PARD3B: variants seen among roughly 807,000 people sequenced by gnomAD.
PARD3B encodes partitioning defective 3 homolog B.
A neutral mutation model predicts 130.2 loss-of-function variants in PARD3B; 103 were observed. The ratio of observed to expected loss-of-function variants is 0.79; its 90% CI spans 0.67 to 0.93. The LOEUF is 0.93. Ranked by LOEUF, PARD3B falls within the 40% of genes least tolerant of loss-of-function variation. PARD3B has a pLI of 0.00. For missense variants in PARD3B, 1,609 were observed against 1,499.2 expected, an observed-to-expected ratio of 1.07 and a Z score of -1.21; for synonymous variants, 583 against 553.2, an observed-to-expected ratio of 1.05 and a Z score of -0.76.
rs536984029 is a variant in PARD3B, at chr2:205,276,761, G to C, written c.2186-23769G>C. Among the ~76,000 whole-genome samples the C allele has an allele frequency of 1.1e-4, 17 of 152,348 alleles. No individual in the cohort carries two copies. The highest frequency in any genetic ancestry group is 2.2e-4 in the African/African-American group (9 of 41,582). ...TGTTAGAAAATTTGTCATCCTGCTA[G>C]AGAGACCTATAGATTGGTGGTTAAC... On this transcript the variant is annotated intron_variant, in intron 16 of 22. Coordinates refer to ENST00000406610, the MANE Select transcript of PARD3B (RefSeq NM_001302769.2). This position sits in a 1 kb window ranked among gnomAD's most constrained non-coding sequence, Gnocchi z 5.0.
rs140987196 is a variant in PARD3B at position 204,959,784 on chromosome 2, A to C, written c.223-5368A>C. The stretch of plus-strand genomic sequence containing the variant: ...CCCCTGGGAACATAGGAGTGAATGC[A>C]TACAGTTAATGAAGCTAGTGCCTAA... On this transcript the variant is annotated intron_variant, in intron 2 of 22. Coordinates refer to ENST00000406610, the MANE Select transcript of PARD3B (RefSeq NM_001302769.2). Among the ~76,000 whole-genome samples the C allele has an allele frequency of 1.9e-3, 295 of 152,342 alleles. 2 individuals carry two copies. The highest frequency in any genetic ancestry group is 6.1e-3 in the African/African-American group (255 of 41,580).
intron 10 of PARD3B, among the ~76,000 whole-genome samples, chr2:205,150,930 T>C (rs2033710806): frequency 7.0e-6 from 1 of 143,398 alleles, no homozygotes; most frequent in South Asian, 2.2e-4. Context: ...TCCTACTACA[T>C]AGTGACTATA....
chr2:205,386,032 T>C lies in PARD3B; in HGVS notation c.2631-14981T>C, dbSNP rs142747512. 7.9e-3 allele frequency among the ~76,000 whole-genome samples: 1,198 copies of C among 152,284 alleles called. 14 individuals are homozygous for C. The highest frequency in any genetic ancestry group is 0.027 in the African/African-American group (1,133 of 41,572). ...TCATGTTTAAAACTTTCTCTATAAATTTAAGTTTCATGATAGGCTTTTATA... is the reference window on the plus strand; with the variant it reads ...TCATGTTTAAAACTTTCTCTATAAACTTAAGTTTCATGATAGGCTTTTATA... On this transcript the variant is annotated intron_variant, in intron 18 of 22. Transcript: ENST00000406610.
At chr2:205,009,869 T>A (rs996165936) in intron 3 of PARD3B, among the ~76,000 whole-genome samples, 2 of 152,186 alleles carry the variant, frequency 1.3e-5, no homozygotes, top group Non-Finnish European at 2.9e-5. Context: ...ATGTGGAATT[T>A]GAATGTTGAT....
intron 2 of PARD3B, among the ~76,000 whole-genome samples, chr2:204,880,651 C>G (rs1028288840): frequency 8.1e-6 from 1 of 123,326 alleles, no homozygotes; most frequent in African/African-American, 3.7e-5. Flanking sequence ...GAGCGAGACT[C>G]CATCTCAAAA....
chr2:204,870,195 C>T (rs999339185), intron 2 of PARD3B, among the ~76,000 whole-genome samples: 13 of 152,130 alleles, frequency 8.5e-5, no homozygotes, highest in African/African-American at 2.9e-4. Flanking sequence ...AGAAAGTCCC[C>T]TTAGATTGAG....
At chr2:205,245,552 T>C (rs1173191189) in intron 15 of PARD3B, among the ~76,000 whole-genome samples, 1 of 152,182 alleles carries the variant, frequency 6.6e-6, no homozygotes, top group Non-Finnish European at 1.5e-5. Flanking sequence ...GAAAATGAAG[T>C]TATGTTCATA....
chr2:205,141,170 C>T (rs1197200504), intron 10 of PARD3B, among the ~76,000 whole-genome samples: 2 of 152,074 alleles, frequency 1.3e-5, no homozygotes, highest in African/African-American at 2.4e-5. Context: ...ATTATCTGTA[C>T]CTAATGTGCA....
At chr2:205,213,925 T>G (rs2037777694) in intron 15 of PARD3B, among the ~76,000 whole-genome samples, 1 of 152,106 alleles carries the variant, frequency 6.6e-6, no homozygotes, top group African/African-American at 2.4e-5. Flanking sequence ...ATGAATAAAT[T>G]AGGCAATCAC....
At chr2:205,048,513 G>A (rs1356321285) in intron 4 of PARD3B, 1 of 152,092 alleles carries the variant, frequency 6.6e-6, no homozygotes, top group African/African-American at 2.4e-5. Flanking sequence ...CATTGCAATA[G>A]GTAATCTTCG....
intron 18 of PARD3B, among the ~76,000 whole-genome samples, chr2:205,360,792 G>A (rs1180796941): frequency 2.0e-5 from 3 of 152,198 alleles, no homozygotes; most frequent in African/African-American, 7.2e-5. Flanking sequence ...GGGCTGTTTG[G>A]AGGAGGAAAT....
chr2:205,071,311 A>G (rs1037903414), intron 4 of PARD3B, among the ~76,000 whole-genome samples: 2 of 152,128 alleles, frequency 1.3e-5, no homozygotes, highest in African/African-American at 2.4e-5. Context: ...ATTGCCCCAC[A>G]CTTGCCGCCA....
intron 3 of PARD3B, among the ~76,000 whole-genome samples, chr2:205,038,597 C>T (rs1056615343): frequency 2.0e-5 from 3 of 152,142 alleles, no homozygotes; most frequent in African/African-American, 7.2e-5. Context: ...AAGTATAAGT[C>T]CCAATAAAAG....
chr2:205,102,267 G>A (rs1702837927), intron 4 of PARD3B, among the ~76,000 whole-genome samples: 1 of 151,980 alleles, frequency 6.6e-6, no homozygotes, highest in Non-Finnish European at 1.5e-5. Context: ...AATACAATGA[G>A]CTCTTGGTGT....
chr2:205,495,395 T>A (rs2049887349), intron 20 of PARD3B, among the ~76,000 whole-genome samples: 1 of 152,178 alleles, frequency 6.6e-6, no homozygotes, highest in Non-Finnish European at 1.5e-5. Flanking sequence ...TAGAAACTTT[T>A]TGTAAGGATG....
chr2:205,046,479 AG>A (rs1698790048), intron 3 of PARD3B, among the ~76,000 whole-genome samples: 1 of 129,696 alleles, frequency 7.7e-6, no homozygotes, highest in Non-Finnish European at 1.6e-5. Context: ...TCATGAAAGA[AG>A]TTTTTTTTTT....
chr2:205,398,934 G>T (rs1294123264), intron 18 of PARD3B, among the ~76,000 whole-genome samples: 2 of 152,122 alleles, frequency 1.3e-5, no homozygotes, highest in Non-Finnish European at 2.9e-5. Flanking sequence ...CTGGGGCAGG[G>T]TTGGGGGTAT....
In PARD3B at chr2:204,675,496, T is replaced by C. The variant is rs920776958; in HGVS notation, c.121-10685T>C. ...GAGCTGTAGGAAAATGAAATTTCTA[T>C]ATTCTTATAAAGTCAGTGTCTTGAG... On this transcript the variant is annotated intron_variant, in intron 1 of 22. Transcript: ENST00000406610. This position sits in a 1 kb window ranked among gnomAD's most constrained non-coding sequence, Gnocchi z 4.4. 1.3e-5 allele frequency among the ~76,000 whole-genome samples: 2 copies of C among 152,114 alleles called. No individual in the cohort carries two copies. Among genetic ancestry groups the C allele is most frequent in the African/African-American group, 2.4e-5 (1 of 41,434 alleles).
At chr2:205,060,901 C>G (rs562029402) in intron 4 of PARD3B, among the ~76,000 whole-genome samples, 1 of 151,990 alleles carries the variant, frequency 6.6e-6, no homozygotes, top group Non-Finnish European at 1.5e-5. Flanking sequence ...ATAGAGAACC[C>G]ATGCATGGTT....
Sources: allele counts gnomAD v4.1 joint callset (sites outside exome capture counted in the v4.1 genomes callset), GRCh38; gene constraint gnomAD v4.1.1; non-coding constraint Gnocchi (gnomAD v3.1); transcripts MANE v1.5; gene names NCBI Gene and HGNC (gene_info 2026-07-23, HGNC 2026-07-21).